CPEB3: variants seen among roughly 807,000 people sequenced by gnomAD.
CPEB3 encodes the protein cytoplasmic polyadenylation element binding protein 3.
In CPEB3, 20 loss-of-function variants were observed where a neutral mutation model predicts 67.2. The ratio of observed to expected loss-of-function variants is 0.30; its 90% CI spans 0.21 to 0.43. The LOEUF (loss-of-function observed/expected upper bound fraction) is 0.43, where lower values mean the gene tolerates loss of function less well. Ranked by LOEUF, CPEB3 falls within the 20% of genes least tolerant of loss-of-function variation. The probability of loss-of-function intolerance (pLI) is 1.00; values close to 1 mark genes in which losing one functional copy is unlikely to be tolerated. For missense variants in CPEB3, 746 were observed against 968.6 expected (o/e 0.77, Z 3.05); for synonymous variants, 376 against 393.1 (o/e 0.96, Z 0.51).
chr10:92,093,273 T>C (rs1469302198), intron 7 of CPEB3, among the ~76,000 whole-genome samples: 2 of 152,050 alleles, frequency 1.3e-5, no homozygotes, highest in African/African-American at 2.4e-5. Context: ...ATGACTAAGA[T>C]AGAAAACAAA....
chr10:92,065,740 C>T lies in CPEB3; in HGVS notation c.1870-13301G>A, dbSNP rs1447080205. ...TGGGACTCAGTGCTTTAACATGAGC[C>T]CTTTTAGAATCAGTTCAAGTCATAA... On this transcript the variant is annotated intron_variant, in intron 9 of 9. Coordinates refer to ENST00000265997, the MANE Select transcript of CPEB3 (RefSeq NM_014912.5). Among the ~76,000 whole-genome samples the T allele has an allele frequency of 3.9e-5, 6 of 151,986 alleles. No homozygotes were observed. In the East Asian group the frequency reaches 1.2e-3, roughly 29 times the overall value.
Position 92,137,438 on chromosome 10 carries a change from T to C in CPEB3, c.1453+5591A>G. 2.5e-6 allele frequency: 3 copies of C among 1,188,202 alleles called. No homozygotes were observed. In the Admixed American group the frequency reaches 6.5e-5, roughly 26 times the overall value. 73.6% of individuals were successfully genotyped at this position (1,188,202 alleles called of 1,614,324 possible). Reference sequence around the variant, plus strand: ...TTAAGCCATGGATTCAAGGACTCAATCTATGACATATTCCAAAAGCTCAAC... The same window carrying C: ...TTAAGCCATGGATTCAAGGACTCAACCTATGACATATTCCAAAAGCTCAAC... On this transcript the variant is annotated intron_variant, in intron 6 of 9. Coordinates refer to ENST00000265997, the MANE Select transcript of CPEB3 (RefSeq NM_014912.5).
intron 1 of CPEB3, among the ~76,000 whole-genome samples, chr10:92,269,023 TG>T (rs1228136151): frequency 6.6e-6 from 1 of 152,214 alleles, no homozygotes; most frequent in Non-Finnish European, 1.5e-5. Flanking sequence ...TGATGAGCTC[TG>T]GAACTGGAAT....
chr10:92,106,420 T>C (rs1242359180), intron 7 of CPEB3, among the ~76,000 whole-genome samples: 1 of 152,024 alleles, frequency 6.6e-6, no homozygotes, highest in Non-Finnish European at 1.5e-5. Context: ...TGGAGATAGC[T>C]ACGATAATAG....
chr10:92,069,018 G>A (rs370767051), intron 9 of CPEB3, among the ~76,000 whole-genome samples: 1 of 152,156 alleles, frequency 6.6e-6, no homozygotes, highest in Admixed American at 6.5e-5. Flanking sequence ...CAAGATAAAG[G>A]CTGGGTTGTA....
chr10:92,238,003 T>C (rs558062911), intron 2 of CPEB3, among the ~76,000 whole-genome samples: 1 of 152,300 alleles, frequency 6.6e-6, no homozygotes, highest in East Asian at 1.9e-4. Flanking sequence ...ACCTCATCTC[T>C]TCCTTCATGA....
intron 2 of CPEB3, among the ~76,000 whole-genome samples, chr10:92,228,374 T>C (rs1464330838): frequency 6.6e-6 from 1 of 152,192 alleles, no homozygotes. Context: ...TATATTTCTC[T>C]GGTCCAAAAA....
At chr10:92,177,728 C>T (rs1848285744) in intron 4 of CPEB3, among the ~76,000 whole-genome samples, 1 of 152,124 alleles carries the variant, frequency 6.6e-6, no homozygotes. Flanking sequence ...AGGGCATGCA[C>T]TAGGAACACC....
chr10:92,243,522 G>A (rs961548917), intron 1 of CPEB3, among the ~76,000 whole-genome samples: 1 of 152,064 alleles, frequency 6.6e-6, no homozygotes, highest in African/African-American at 2.4e-5. Context: ...CAGGATAAAG[G>A]GAAACTGAAT....
intron 9 of CPEB3, among the ~76,000 whole-genome samples, chr10:92,064,209 G>A (rs1191762820): frequency 2.0e-5 from 3 of 152,126 alleles, no homozygotes; most frequent in Non-Finnish European, 4.4e-5. Context: ...GTGTAGAGTT[G>A]CCATACTATA....
At chr10:92,268,729 A>G (rs148700173) in intron 1 of CPEB3, among the ~76,000 whole-genome samples, 2 of 152,286 alleles carry the variant, frequency 1.3e-5, no homozygotes, top group East Asian at 3.9e-4. Context: ...ACATTTTTGT[A>G]TATTTATTAA....
At chr10:92,269,685 G>A (rs1853217521) in intron 1 of CPEB3, among the ~76,000 whole-genome samples, 2 of 152,064 alleles carry the variant, frequency 1.3e-5, no homozygotes, top group African/African-American at 4.8e-5. Flanking sequence ...AGCCTCCCGA[G>A]TAGCTGGGAT....
At chr10:92,108,536 C>A (rs993441890) in intron 7 of CPEB3, among the ~76,000 whole-genome samples, 1 of 152,102 alleles carries the variant, frequency 6.6e-6, no homozygotes, top group Non-Finnish European at 1.5e-5. Flanking sequence ...AAATAGGATC[C>A]AGTTCATTAA....
intron 2 of CPEB3, among the ~76,000 whole-genome samples, chr10:92,238,800 C>G (rs567416702): frequency 6.6e-6 from 1 of 152,128 alleles, no homozygotes; most frequent in African/African-American, 2.4e-5. Context: ...AGCACCTTAG[C>G]GAGACATAAA....
intron 7 of CPEB3, among the ~76,000 whole-genome samples, chr10:92,102,780 C>T (rs1170965732): frequency 1.3e-5 from 2 of 152,304 alleles, no homozygotes; most frequent in East Asian, 1.9e-4. Context: ...GAAACATCTG[C>T]GTACTCTGCC....
intron 2 of CPEB3, among the ~76,000 whole-genome samples, chr10:92,194,459 G>A (rs1849134321): frequency 6.6e-6 from 1 of 151,724 alleles, no homozygotes; most frequent in Non-Finnish European, 1.5e-5. Flanking sequence ...ATAAAAATGT[G>A]TTCTAAGTTG....
chr10:92,258,456 A>G (rs565685030), intron 1 of CPEB3, among the ~76,000 whole-genome samples: 1 of 151,770 alleles, frequency 6.6e-6, no homozygotes, highest in Non-Finnish European at 1.5e-5. Context: ...ATCATATGAT[A>G]ATGAAATAGT....
intron 4 of CPEB3, among the ~76,000 whole-genome samples, chr10:92,157,633 T>C (rs1847269540): frequency 6.6e-6 from 1 of 152,104 alleles, no homozygotes; most frequent in East Asian, 1.9e-4. Flanking sequence ...ACTCTGAATA[T>C]AACAGAAAAA....
chr10:92,228,345 A>G (rs1439054151), intron 2 of CPEB3, among the ~76,000 whole-genome samples: 2 of 152,146 alleles, frequency 1.3e-5, no homozygotes, highest in African/African-American at 4.8e-5. Context: ...ACTATTTTTA[A>G]TTCTCTGCTT....
Sources: allele counts gnomAD v4.1 joint callset (sites outside exome capture counted in the v4.1 genomes callset), GRCh38; gene constraint gnomAD v4.1.1; transcripts MANE v1.5; gene names NCBI Gene and HGNC (gene_info 2026-07-23, HGNC 2026-07-21).